SIKE1: variants seen among roughly 807,000 people sequenced by gnomAD.
SIKE1 encodes suppressor of IKBKE 1.
A neutral mutation model predicts 25.8 loss-of-function variants in SIKE1; 13 were observed. That is an observed-to-expected ratio of 0.50 (90% CI 0.33 to 0.80). The LOEUF (loss-of-function observed/expected upper bound fraction) is 0.80. Ranked by LOEUF, SIKE1 falls within the 30% of genes least tolerant of loss-of-function variation. The pLI is 0.02. For missense variants in SIKE1, 222 were observed against 252.4 expected, an observed-to-expected ratio of 0.88 and a Z score of 0.82; for synonymous variants, 86 against 95.5, an observed-to-expected ratio of 0.90 and a Z score of 0.58.
rs1662088413 is a variant in SIKE1 at position 114,772,208 on chromosome 1, ACTTACTACTGAGTAAAATTAG to A, written c.*2042_*2062del. The A allele has an allele frequency of 6.6e-6, 1 of 152,168 alleles. No individual in the cohort carries two copies. Among genetic ancestry groups the A allele is most frequent in the African/African-American group, 2.4e-5 (1 of 41,444 alleles). 9.4% of individuals were successfully genotyped at this position (152,168 alleles called of 1,614,324 possible). On this transcript the variant is annotated 3_prime_UTR_variant, in exon 5 of 5. Transcript: ENST00000060969. ...AAAACCCTCTGCACTTCCTCATTTGACTTACTACTGAGTAAAATTAGCTTATCTTCTCAAAATGCAGTTTTT... is the reference window on the plus strand; with the variant it reads ...AAAACCCTCTGCACTTCCTCATTTGACTTATCTTCTCAAAATGCAGTTTTT...
At chr1:114,776,110 C>T (rs1652569214) in intron 4 of SIKE1, among the ~76,000 whole-genome samples, 1 of 152,196 alleles carries the variant, frequency 6.6e-6, no homozygotes, top group Admixed American at 6.5e-5. Flanking sequence ...CCTCTACCTT[C>T]CCATATGATA....
intron 4 of SIKE1, among the ~76,000 whole-genome samples, chr1:114,774,897 T>C (rs946600716): frequency 6.6e-6 from 1 of 152,174 alleles, no homozygotes; most frequent in Non-Finnish European, 1.5e-5. Context: ...GTAGGTATCA[T>C]TGCCTACATC....
intron 1 of SIKE1, 95 bp downstream of exon 1, chr1:114,780,354 G>C: frequency 6.2e-7 from 1 of 1,601,996 alleles, no homozygotes; most frequent in Non-Finnish European, 8.5e-7. Flanking sequence ...CTCTGAGACC[G>C]GGAATAAATT....
chr1:114,780,362 A>G (rs1662367950), intron 1 of SIKE1, 87 bp downstream of exon 1: 2 of 1,607,400 alleles, frequency 1.2e-6, no homozygotes, highest in African/African-American at 2.7e-5. Flanking sequence ...CCGGGAATAA[A>G]TTCCAGGCCG....
rs1469008180 is a variant in SIKE1, at chr1:114,770,756, T to C, written c.*3515A>G. ...TGGCCATTCAATGTCAACACACTCC[T>C]TCAGCTAATTCTTCCAAAACTATAT... is the stretch of plus-strand genomic sequence containing the variant. On this transcript the variant is annotated 3_prime_UTR_variant, in exon 5 of 5. Transcript: ENST00000060969. 1.3e-5 allele frequency: 2 copies of C among 152,254 alleles called. No individual in the cohort carries two copies. The highest frequency in any genetic ancestry group is 2.9e-5 in the Non-Finnish European group (2 of 68,050). The allele number at this position is 152,254 out of a possible 1,614,324, so 9.4% of individuals were successfully genotyped here.
rs1255785036 is a variant in SIKE1 at position 114,776,301 on chromosome 1, G to A, written c.522+45C>T. ...TAGTGATGGCATATCTTCCAGACTC[G>A]GAAAACTATGAAATACTGTGAACCT... On this transcript the variant is annotated intron_variant, in intron 4 of 4. Transcript: ENST00000060969. 1.0e-5 allele frequency: 12 copies of A among 1,189,074 alleles called. No individual in the cohort carries two copies. In the Middle Eastern group the frequency reaches 5.8e-4, roughly 57 times the overall value. 73.7% of individuals were successfully genotyped at this position (1,189,074 alleles called of 1,614,324 possible).
At chr1:114,780,029 T>C (rs1243767671) in intron 2 of SIKE1, 81 bp downstream of exon 2, 1 of 965,268 alleles carries the variant, frequency 1.0e-6, no homozygotes, top group Admixed American at 2.0e-5. Context: ...GACCTGGAAA[T>C]ATATGTACAC....
rs1296000722 is a variant in SIKE1, at chr1:114,771,006, A to C, written c.*3265T>G. On this transcript the variant is annotated 3_prime_UTR_variant, in exon 5 of 5. Coordinates refer to ENST00000060969, the MANE Select transcript of SIKE1 (RefSeq NM_025073.3). ...TGAGAAAGCTTTGCTTTCCCTCATA[A>C]AAGGCGATATATATAGCTGGCACAG... The C allele has an allele frequency of 1.3e-5, 2 of 152,238 alleles. No individual in the cohort carries two copies. The highest frequency in any genetic ancestry group is 2.9e-5 in the Non-Finnish European group (2 of 68,040). 9.4% of individuals were successfully genotyped at this position (152,238 alleles called of 1,614,324 possible).
At chr1:114,775,704 G>A (rs545191879) in intron 4 of SIKE1, among the ~76,000 whole-genome samples, 33 of 151,914 alleles carry the variant, frequency 2.2e-4, no homozygotes, top group African/African-American at 6.8e-4. Flanking sequence ...ACAGGGTTCC[G>A]CCATGTTGCC....
chr1:114,779,114 C>T (rs774864441), intron 3 of SIKE1, 28 bp downstream of exon 3: 1 of 1,608,542 alleles, frequency 6.2e-7, no homozygotes, highest in Non-Finnish European at 8.5e-7. Flanking sequence ...CAATTTGGTT[C>T]ATTTCGAATT....
At position 114,771,169 on chromosome 1, in the gene SIKE1, G is replaced by T. The variant is rs963376567; in HGVS notation, c.*3102C>A. 1 of 152,178 alleles carries T rather than the reference G, an allele frequency of 6.6e-6. No homozygotes were observed. The highest frequency in any genetic ancestry group is 1.5e-5 in the Non-Finnish European group (1 of 68,030). The allele number at this position is 152,178 out of a possible 1,614,324, so 9.4% of individuals were successfully genotyped here. A position where few individuals can be genotyped will look rare whatever the true frequency, so the allele number is the denominator to read the frequency against. ...GGAGGCAGATTTGAAAGACAGAACT[G>T]CACCTTTTCCTGTATATAGTAAGAG... On this transcript the variant is annotated 3_prime_UTR_variant, in exon 5 of 5. Transcript: ENST00000060969.
chr1:114,780,019 G>T, intron 2 of SIKE1, 91 bp downstream of exon 2: 3 of 883,160 alleles, frequency 3.4e-6, no homozygotes, highest in South Asian at 3.1e-5. Context: ...TAAAAGTACT[G>T]ACCTGGAAAT....
chr1:114,771,473 T>A lies in SIKE1; in HGVS notation c.*2798A>T, dbSNP rs147442849. 6.6e-6 allele frequency: 1 copy of A among 152,180 alleles called. No homozygotes were observed. The highest frequency in any genetic ancestry group is 2.4e-5 in the African/African-American group (1 of 41,440). 9.4% of individuals were successfully genotyped at this position (152,180 alleles called of 1,614,324 possible). On this transcript the variant is annotated 3_prime_UTR_variant, in exon 5 of 5. Coordinates refer to ENST00000060969, the MANE Select transcript of SIKE1 (RefSeq NM_025073.3). ...GAATCTTGGTTCCAGTTTGGACAAA[T>A]AACCACCTCCTTGTGCCTGAGTATC...
At position 114,780,581 on chromosome 1, in the gene SIKE1, C is replaced by T. The variant is rs756658617; in HGVS notation, c.27G>A (p.Leu9=). The T allele has an allele frequency of 4.3e-6, 7 of 1,613,830 alleles. No homozygotes were observed. Among genetic ancestry groups the T allele is most frequent in the East Asian group, 2.2e-5 (1 of 44,876 alleles). ...TCTCCAGCAGCGTCTTGGCGTCTGT[C>T]AGGATCTTCTCGATGGTGCAGCTCA... MSCTIEKI[L]TDAKTLLERL... Residue 9 remains leucine (L), a synonymous_variant, in exon 1 of 5, where the codon CTG becomes CTA. Coordinates refer to ENST00000060969, the MANE Select transcript of SIKE1 (RefSeq NM_025073.3).
Position 114,780,682 on chromosome 1 carries a change from C to A in SIKE1, c.-75G>T. The A allele has an allele frequency of 1.5e-6, 2 of 1,326,904 alleles. No homozygotes were observed. Among genetic ancestry groups the A allele is most frequent in the East Asian group, 2.6e-5 (1 of 38,456 alleles). 82.2% of individuals were successfully genotyped at this position (1,326,904 alleles called of 1,614,324 possible). A position where few individuals can be genotyped will look rare whatever the true frequency, so the allele number is the denominator to read the frequency against. On this transcript the variant is annotated 5_prime_UTR_variant, in exon 1 of 5. An upstream start codon of the reference 5' UTR is lost. Coordinates refer to ENST00000060969, the MANE Select transcript of SIKE1 (RefSeq NM_025073.3). ...CAGATCTTCTGGGAGTCTGTCTCAGCATTACAGGCGTCATTTCCGGGCACG... is the reference window on the plus strand; with the variant it reads ...CAGATCTTCTGGGAGTCTGTCTCAGAATTACAGGCGTCATTTCCGGGCACG...
At position 114,772,932 on chromosome 1, in the gene SIKE1, T is replaced by C. The variant is rs1162568283; in HGVS notation, c.*1339A>G. On this transcript the variant is annotated 3_prime_UTR_variant, in exon 5 of 5. Coordinates refer to ENST00000060969, the MANE Select transcript of SIKE1 (RefSeq NM_025073.3). ...AGGACATCTTTAAAATATTTTGTTA[T>C]TTTAACTGTAGTTCTTTATAGCATT... The C allele has an allele frequency of 6.6e-6, 1 of 152,228 alleles. No homozygotes were observed. The highest frequency in any genetic ancestry group is 1.5e-5 in the Non-Finnish European group (1 of 68,032). 9.4% of individuals were successfully genotyped at this position (152,228 alleles called of 1,614,324 possible).
chr1:114,777,196 CAT>C (rs1410900101), intron 3 of SIKE1, among the ~76,000 whole-genome samples: 2 of 152,038 alleles, frequency 1.3e-5, no homozygotes, highest in Admixed American at 6.6e-5. Flanking sequence ...CACATGTATA[CAT>C]ATGTTAACAA....
rs142832259 is a variant in SIKE1 at position 114,771,592 on chromosome 1, C to G, written c.*2679G>C. The G allele has an allele frequency of 6.6e-6, 1 of 152,092 alleles. No homozygotes were observed. The highest frequency in any genetic ancestry group is 1.5e-5 in the Non-Finnish European group (1 of 68,004). The allele number at this position is 152,092 out of a possible 1,614,324, so 9.4% of individuals were successfully genotyped here. On this transcript the variant is annotated 3_prime_UTR_variant, in exon 5 of 5. Coordinates refer to ENST00000060969, the MANE Select transcript of SIKE1 (RefSeq NM_025073.3). ...TAGATGGTAGCTATTATTGGCAATA[C>G]CATACATACTTTGCTTTTGTGGCAC...
chr1:114,780,569 C>T lies in SIKE1; in HGVS notation c.39G>A (p.Lys13=). The part of the protein sequence containing the change: ...CTIEKILTDA[K]TLLERLREHD... ...GCTCCCGTAGCCTCTCCAGCAGCGT[C>T]TTGGCGTCTGTCAGGATCTTCTCGA... is the stretch of plus-strand genomic sequence containing the variant. Residue 13 remains lysine, a synonymous_variant, in exon 1 of 5, where the codon AAG becomes AAA. Transcript: ENST00000060969. The T allele has an allele frequency of 1.2e-6, 2 of 1,614,018 alleles. No individual in the cohort carries two copies. The highest frequency in any genetic ancestry group is 1.7e-6 in the Non-Finnish European group (2 of 1,180,000).
Sources: gnomAD v4.1 joint callset for allele counts (sites outside exome capture counted in the v4.1 genomes callset) on GRCh38, gnomAD v4.1.1 for gene constraint, MANE v1.5 for transcripts, NCBI Gene and HGNC (gene_info 2026-07-23, HGNC 2026-07-21) for gene names.